ABTB3: variants seen among roughly 807,000 people sequenced by gnomAD.
ABTB3 encodes the protein ankyrin repeat and BTB domain containing 3, also known as ankyrin repeat- and BTB/POZ domain-containing protein 3.
At chr12:107,392,635 C>G in the ABTB3 span, among the ~76,000 whole-genome samples, 1 of 152,164 alleles carries the variant, frequency 6.6e-6, no homozygotes. Flanking sequence ...CTATCTTTGA[C>G]CAAATTCCAT....
the ABTB3 span, among the ~76,000 whole-genome samples, chr12:107,559,037 G>C: frequency 6.6e-6 from 1 of 152,230 alleles, no homozygotes; most frequent in Non-Finnish European, 1.5e-5. Context: ...ACTGGGCTTT[G>C]ATCATTTCTC....
chr12:107,502,719 G>C, the ABTB3 span, among the ~76,000 whole-genome samples: 1 of 152,080 alleles, frequency 6.6e-6, no homozygotes. Flanking sequence ...ATCAGTGGCA[G>C]CATTAGATTC....
the ABTB3 span, among the ~76,000 whole-genome samples, chr12:107,402,707 G>T: frequency 2.6e-5 from 4 of 152,188 alleles, no homozygotes; most frequent in Admixed American, 1.3e-4. Context: ...GATTCTGACT[G>T]GTGGGAGGTT....
the ABTB3 span, chr12:107,319,736 T>TCAGGCTCGGGCTCCGGCC: frequency 1.3e-6 from 2 of 1,526,726 alleles, no homozygotes; most frequent in Non-Finnish European, 1.8e-6. Context: ...TGGCCCTGGG[T>TCAGGCTCGGGCTCCGGCC]CAGGCTCGGG....
At chr12:107,325,535 T>C in the ABTB3 span, among the ~76,000 whole-genome samples, 1 of 152,180 alleles carries the variant, frequency 6.6e-6, no homozygotes, top group South Asian at 2.1e-4. Flanking sequence ...GCTGGGGCAT[T>C]TGCAAGTTGG....
At chr12:107,356,162 G>A in the ABTB3 span, among the ~76,000 whole-genome samples, 518 of 152,258 alleles carry the variant, frequency 3.4e-3, 6 homozygotes, top group Non-Finnish European at 2.2e-3. Flanking sequence ...CACACTTGGG[G>A]GTAGGAAATG....
the ABTB3 span, among the ~76,000 whole-genome samples, chr12:107,541,407 A>G: frequency 2.6e-5 from 4 of 152,262 alleles, no homozygotes; most frequent in Admixed American, 2.6e-4. Context: ...AGCATTCTCC[A>G]GAAAAACAGA....
the ABTB3 span, among the ~76,000 whole-genome samples, chr12:107,374,078 C>T: frequency 7.2e-5 from 11 of 152,128 alleles, no homozygotes; most frequent in African/African-American, 2.7e-4. Flanking sequence ...TCATCAGCCC[C>T]GTTACCTGCA....
At chr12:107,340,526 A>G in the ABTB3 span, among the ~76,000 whole-genome samples, 1 of 152,112 alleles carries the variant, frequency 6.6e-6, no homozygotes, top group Non-Finnish European at 1.5e-5. Flanking sequence ...TATAAATCTG[A>G]ATAGGAAGAT....
chr12:107,366,678 T>G, the ABTB3 span, among the ~76,000 whole-genome samples: 1 of 152,190 alleles, frequency 6.6e-6, no homozygotes, highest in Non-Finnish European at 1.5e-5. Flanking sequence ...TTAGCAAACA[T>G]GGTTTACTAT....
At chr12:107,319,697 G>T in the ABTB3 span, 3 of 1,534,206 alleles carry the variant, frequency 2.0e-6, no homozygotes, top group Non-Finnish European at 2.6e-6. Flanking sequence ...CTCGCGGGTC[G>T]TGGCCTCCGG....
chr12:107,481,491 G>A, the ABTB3 span, among the ~76,000 whole-genome samples: 1 of 152,012 alleles, frequency 6.6e-6, no homozygotes, highest in African/African-American at 2.4e-5. Flanking sequence ...GCAAACCAAC[G>A]GCACAGAGCT....
the ABTB3 span, among the ~76,000 whole-genome samples, chr12:107,418,693 A>G: frequency 6.6e-6 from 1 of 152,220 alleles, no homozygotes; most frequent in Non-Finnish European, 1.5e-5. Context: ...GAGAGCTGGC[A>G]GGAGTGCCTG....
chr12:107,545,454 C>T, the ABTB3 span, among the ~76,000 whole-genome samples: 1 of 152,054 alleles, frequency 6.6e-6, no homozygotes, highest in East Asian at 1.9e-4. Flanking sequence ...CCATGTTCCC[C>T]AGGCTGGTCC....
At chr12:107,580,991 T>C in the ABTB3 span, 1 of 1,551,892 alleles carries the variant, frequency 6.4e-7, no homozygotes, top group East Asian at 2.4e-5. Context: ...GCTCTCCCAC[T>C]ACTCTGGAAT....
the ABTB3 span, among the ~76,000 whole-genome samples, chr12:107,599,149 A>T: frequency 6.6e-6 from 1 of 152,148 alleles, no homozygotes; most frequent in African/African-American, 2.4e-5. Flanking sequence ...TGTTTCCTGC[A>T]TTTCAGATGG....
chr12:107,482,981 TTTCTTTCCTTCC>T, the ABTB3 span, among the ~76,000 whole-genome samples: 3,328 of 33,442 alleles, frequency 0.1, 73 homozygotes, highest in Non-Finnish European at 0.12. Context: ...TCTTTCTTTC[TTTCTTTCCTTCC>T]TTCCTTCCTT....
the ABTB3 span, among the ~76,000 whole-genome samples, chr12:107,556,911 C>A: frequency 6.6e-6 from 1 of 151,962 alleles, no homozygotes; most frequent in Non-Finnish European, 1.5e-5. Flanking sequence ...ACTCGGGAGG[C>A]TGAGGCAGGA....
chr12:107,558,570 T>TA, the ABTB3 span, among the ~76,000 whole-genome samples: 2 of 152,152 alleles, frequency 1.3e-5, no homozygotes, highest in African/African-American at 4.8e-5. Context: ...GGGAGAAGCA[T>TA]AAGCAAAATC....
Sources: gnomAD v4.1 joint callset for allele counts (sites outside exome capture counted in the v4.1 genomes callset) on GRCh38, gnomAD v4.1.1 for gene constraint, MANE v1.5 for transcripts, NCBI Gene and HGNC (gene_info 2026-07-23, HGNC 2026-07-21) for gene names.